TRAIP: variants seen among roughly 807,000 people sequenced by gnomAD.
The protein encoded by TRAIP is E3 ubiquitin-protein ligase TRAIP.
Under a neutral mutation model 65.0 loss-of-function variants are expected in TRAIP, and 37 were observed. The ratio of observed to expected loss-of-function variants is 0.57; its 90% CI spans 0.44 to 0.75. TRAIP has a LOEUF of 0.75. TRAIP is among the 30% of genes least tolerant of loss of function. The probability of loss-of-function intolerance (pLI) is 0.00; values close to 1 mark genes in which losing one functional copy is unlikely to be tolerated. For synonymous variants in TRAIP, 187 were observed against 219.1 expected (o/e 0.85, Z 1.29); for missense variants, 481 against 579.4 (o/e 0.83, Z 1.74).
chr3:49,840,231 G>T lies in TRAIP; in HGVS notation c.795+53C>A, dbSNP rs369127839. The T allele has an allele frequency of 6.1e-4, 911 of 1,499,532 alleles. 1 individual carries two copies. Among genetic ancestry groups the T allele is most frequent in the Non-Finnish European group, 7.9e-4 (846 of 1,076,580 alleles). The allele number at this position is 1,499,532 out of a possible 1,614,324, so 92.9% of individuals were successfully genotyped here. ...GGCAGAGATAGCCCAGCCCTGCTCTGGGAGGGCACACAAACCACCCCTCAT... is the reference window on the plus strand; with the variant it reads ...GGCAGAGATAGCCCAGCCCTGCTCTTGGAGGGCACACAAACCACCCCTCAT... On this transcript the variant is annotated intron_variant, in intron 9 of 14. Transcript: ENST00000331456.
chr3:49,831,831 C>G (rs1440859409), intron 11 of TRAIP, 85 bp downstream of exon 11: 4 of 1,390,098 alleles, frequency 2.9e-6, no homozygotes, highest in Non-Finnish European at 3.8e-6. Context: ...CCATCAGCCA[C>G]TCAGAGCTAA....
intron 3 of TRAIP, among the ~76,000 whole-genome samples, chr3:49,844,997 G>A (rs9809623): frequency 0.01 from 1,536 of 152,294 alleles, 29 homozygotes; most frequent in African/African-American, 0.035. Context: ...GACCTTGGGC[G>A]ACTACTCCTC....
chr3:49,845,098 C>G (rs1476008686), intron 3 of TRAIP, among the ~76,000 whole-genome samples: 1 of 152,214 alleles, frequency 6.6e-6, no homozygotes, highest in African/African-American at 2.4e-5. Flanking sequence ...GACCTAGTAT[C>G]CAATGGAGGT....
chr3:49,843,900 G>A lies in TRAIP; in HGVS notation c.309C>T (p.Ile103=), dbSNP rs772390526. 1.2e-6 allele frequency: 2 copies of A among 1,611,962 alleles called. No individual in the cohort carries two copies. The highest frequency in any genetic ancestry group is 2.2e-5 in the South Asian group (2 of 91,028). Residue 103 remains isoleucine (I), a synonymous_variant, in exon 5 of 15, where the codon ATC becomes ATT. Transcript: ENST00000331456. ...CCAGCGTATCCCGCAGAGTGTCGAT[G>A]ATGACCTGGCTGTCTCGTTTCTCCT... The part of the protein sequence containing the change: ...KDKEKRDSQV[I]IDTLRDTLEE...
intron 1 of TRAIP, among the ~76,000 whole-genome samples, chr3:49,852,258 T>C (rs2081938912): frequency 6.6e-6 from 1 of 151,358 alleles, no homozygotes; most frequent in Non-Finnish European, 1.5e-5. Context: ...TCCCAGCTAC[T>C]CGGGAGGTTG....
intron 6 of TRAIP, 134 bp from the exon 7 acceptor site, chr3:49,842,073 G>A (rs2081844335): frequency 8.4e-6 from 6 of 712,380 alleles, no homozygotes; most frequent in Non-Finnish European, 1.5e-5. Context: ...GTAGGTGGGT[G>A]TGCCCAAGGA....
chr3:49,829,028 C>A lies in TRAIP; in HGVS notation c.*75G>T. The A allele has an allele frequency of 1.2e-6, 2 of 1,607,308 alleles. No individual in the cohort carries two copies. Among genetic ancestry groups the A allele is most frequent in the Non-Finnish European group, 1.7e-6 (2 of 1,175,188 alleles). On this transcript the variant is annotated 3_prime_UTR_variant, in exon 15 of 15. Coordinates refer to ENST00000331456, the MANE Select transcript of TRAIP (RefSeq NM_005879.3). ...GGTCCCGAAAGTGGGGCTCTGTCCA[C>A]AAAACCCCTGCCTGGACAGTCCTTG...
At chr3:49,837,277 G>A (rs1456123326) in intron 10 of TRAIP, among the ~76,000 whole-genome samples, 1 of 152,046 alleles carries the variant, frequency 6.6e-6, no homozygotes, top group Non-Finnish European at 1.5e-5. Flanking sequence ...TTGAGGCTAT[G>A]AGTTTAGAAG....
chr3:49,846,989 T>A (rs553602917), intron 3 of TRAIP, among the ~76,000 whole-genome samples: 18 of 152,174 alleles, frequency 1.2e-4, no homozygotes, highest in African/African-American at 4.3e-4. Context: ...GAGACCAGCC[T>A]GGCCAACAAG....
intron 8 of TRAIP, 67 bp from the exon 9 acceptor site, chr3:49,840,440 G>C: frequency 7.5e-7 from 1 of 1,333,298 alleles, no homozygotes; most frequent in Non-Finnish European, 1.1e-6. Context: ...CCCTCCTGCT[G>C]CTCCCCAGGG....
Position 49,847,598 on chromosome 3 carries a change from CT to C in TRAIP, c.166del (p.Arg56GlufsTer24). The C allele has an allele frequency of 1.2e-6, 2 of 1,609,138 alleles. No homozygotes were observed. The highest frequency in any genetic ancestry group is 1.7e-6 in the Non-Finnish European group (2 of 1,178,496). On this transcript the variant is annotated frameshift_variant, in exon 3 of 15. Coordinates refer to ENST00000331456, the MANE Select transcript of TRAIP (RefSeq NM_005879.3). LOFTEE classifies it high-confidence loss of function. ...AAAGAAGAGCTTATTGATAATGGTT[CT>C]TTTGCCAACCTGGATGGGAGAACAA... is the stretch of plus-strand genomic sequence containing the variant. ...CPQCRIQVGK[R>X]TIINKLFFDL... is the part of the protein sequence containing the mutation.
chr3:49,832,700 C>CGGGGGGGGGGGG (rs77955232), intron 10 of TRAIP, among the ~76,000 whole-genome samples: 4 of 6,092 alleles, frequency 6.6e-4, no homozygotes, highest in African/African-American at 1.3e-3. Context: ...TTTTATAACA[C>CGGGGGGGGGGGG]GGGGGGGGGG....
chr3:49,840,870 C>T, intron 8 of TRAIP, 115 bp downstream of exon 8: 2 of 944,600 alleles, frequency 2.1e-6, no homozygotes, highest in Non-Finnish European at 1.7e-6. Context: ...AGTCCTCCAG[C>T]TGCCCCAGGG....
intron 3 of TRAIP, 35 bp downstream of exon 3, chr3:49,847,490 T>G (rs759192286): frequency 1.4e-6 from 2 of 1,403,370 alleles, no homozygotes; most frequent in East Asian, 2.3e-5. Context: ...CGCACAAGGC[T>G]TGGAGTTCAG....
chr3:49,833,176 A>G (rs1437540413), intron 10 of TRAIP, among the ~76,000 whole-genome samples: 1 of 152,134 alleles, frequency 6.6e-6, no homozygotes, highest in Admixed American at 6.5e-5. Flanking sequence ...TTCTGCCACC[A>G]TTTACCAACC....
At chr3:49,850,827 A>C (rs1441124432) in intron 1 of TRAIP, among the ~76,000 whole-genome samples, 7 of 150,120 alleles carry the variant, frequency 4.7e-5, no homozygotes, top group Admixed American at 1.3e-4. Context: ...GCTCATTTTT[A>C]TATTTTTTTA....
intron 10 of TRAIP, among the ~76,000 whole-genome samples, chr3:49,833,791 G>A (rs1232945459): frequency 6.6e-6 from 1 of 152,112 alleles, no homozygotes; most frequent in East Asian, 1.9e-4. Flanking sequence ...GTCTTAGACT[G>A]TTTCTATATT....
intron 1 of TRAIP, among the ~76,000 whole-genome samples, chr3:49,854,311 C>T (rs896847688): frequency 3.3e-5 from 5 of 152,138 alleles, no homozygotes; most frequent in Admixed American, 2.6e-4. Context: ...GGCAAGAGAG[C>T]AGGACTCTGT....
rs371198808 is a variant in TRAIP at position 49,840,335 on chromosome 3, T to C, written c.744A>G (p.Leu248=). 2.5e-6 allele frequency: 4 copies of C among 1,614,216 alleles called. No individual in the cohort carries two copies. The highest frequency in any genetic ancestry group is 1.1e-5 in the South Asian group (1 of 91,086). ...AGTCCTTCTGGGCTGACTTCAGTTC[T>C]AACTTGGCCTGATCCAATTCAGAGT... The part of the protein sequence containing the change: ...TVYSELDQAK[L]ELKSAQKDLQ... The change falls in exon 9 of 15, where the codon TTA becomes TTG. Residue 248 remains leucine, a synonymous_variant. Transcript: ENST00000331456.
Sources: allele counts gnomAD v4.1 joint callset (sites outside exome capture counted in the v4.1 genomes callset), GRCh38; gene constraint gnomAD v4.1.1; transcripts MANE v1.5; gene names NCBI Gene and HGNC (gene_info 2026-07-23, HGNC 2026-07-21).